The following KIF6 variants were observed in gnomAD, a reference collection of about 807,000 sequenced individuals.
KIF6 encodes the protein kinesin-like protein KIF6.
Under a neutral mutation model 112.7 loss-of-function variants are expected in KIF6, and 106 were observed. That is an observed-to-expected ratio of 0.94 (90% confidence interval 0.80 to 1.11). The LOEUF is 1.11. Ranked by LOEUF, KIF6 falls within the 50% of genes least tolerant of loss-of-function variation. The pLI is 0.00. For missense variants in KIF6, 929 were observed against 964.0 expected, an observed-to-expected ratio of 0.96 and a Z score of 0.48; for synonymous variants, 339 against 339.9, an observed-to-expected ratio of 1.00 and a Z score of 0.03.
At chr6:39,711,313 A>T (rs2113868460) in intron 3 of KIF6, among the ~76,000 whole-genome samples, 1 of 151,712 alleles carries the variant, frequency 6.6e-6, no homozygotes, top group East Asian at 1.9e-4. Context: ...TCTAAAAAGA[A>T]ATAAGAATCA....
chr6:39,403,307 C>T (rs1188586344), intron 15 of KIF6, among the ~76,000 whole-genome samples: 1 of 152,212 alleles, frequency 6.6e-6, no homozygotes, highest in Non-Finnish European at 1.5e-5. Context: ...CACCCCTGGA[C>T]TCCCTCACAA....
intron 13 of KIF6, among the ~76,000 whole-genome samples, chr6:39,465,669 CA>C (rs1773742075): frequency 6.6e-6 from 1 of 152,182 alleles, no homozygotes; most frequent in African/African-American, 2.4e-5. Context: ...AGAGGTTCCC[CA>C]GTGTTTATGG....
At chr6:39,392,638 GACTAAGGAAATAA>G (rs1476320417) in intron 15 of KIF6, among the ~76,000 whole-genome samples, 4 of 152,128 alleles carry the variant, frequency 2.6e-5, no homozygotes, top group Non-Finnish European at 5.9e-5. Context: ...AAAGTACAGA[GACTAAGGAAATAA>G]ACCCTAGATG....
rs202104461 is a variant in KIF6 at position 39,650,567 on chromosome 6, TA to T, written c.252-10811del. Among the ~76,000 whole-genome samples, 1,100 of 151,844 alleles carry T rather than the reference TA, an allele frequency of 7.2e-3. 8 individuals carry two copies. The highest frequency in any genetic ancestry group is 0.012 in the Non-Finnish European group (784 of 67,916). ...ATTTACATAATTTATAATTACATTA[TA>T]AAAAATGCATTTACTGTAGCATTTC... On this transcript the variant is annotated intron_variant, in intron 3 of 22. Coordinates refer to ENST00000287152, the MANE Select transcript of KIF6 (RefSeq NM_145027.6).
chr6:39,447,921 G>A lies in KIF6; in HGVS notation c.1646-16760C>T, dbSNP rs951186813. On this transcript the variant is annotated intron_variant, in intron 13 of 22. Coordinates refer to ENST00000287152, the MANE Select transcript of KIF6 (RefSeq NM_145027.6). Reference sequence around the variant, plus strand: ...CTGTTTTTATTTGAGTTGGCCTCTCGGTAAATGGTACAGCAATAAGGTTAG... The same window carrying A: ...CTGTTTTTATTTGAGTTGGCCTCTCAGTAAATGGTACAGCAATAAGGTTAG... Among the ~76,000 whole-genome samples the A allele has an allele frequency of 5.3e-5, 8 of 152,228 alleles. No individual in the cohort carries two copies. The South Asian group carries it at 1.7e-3, about 32-fold the overall frequency.
chr6:39,361,335 G>A lies in KIF6; in HGVS notation c.1947-805C>T, dbSNP rs369669639. The stretch of plus-strand genomic sequence containing the variant: ...GCACTTTGGGAGGCTGAGGCGGGTG[G>A]ATCACCTGAGGTCAGGAGTTTGAGA... On this transcript the variant is annotated intron_variant, in intron 17 of 22. Coordinates refer to ENST00000287152, the MANE Select transcript of KIF6 (RefSeq NM_145027.6). Among the ~76,000 whole-genome samples the A allele has an allele frequency of 5.9e-5, 9 of 152,092 alleles. No individual in the cohort carries two copies. The East Asian group carries it at 1.5e-3, about 26-fold the overall frequency.
intron 13 of KIF6, among the ~76,000 whole-genome samples, chr6:39,526,171 A>G (rs1404859223): frequency 2.0e-5 from 3 of 152,216 alleles, no homozygotes; most frequent in African/African-American, 7.2e-5. Flanking sequence ...CTTCCTCTAT[A>G]TGTCCATCCC....
intron 15 of KIF6, among the ~76,000 whole-genome samples, chr6:39,396,362 G>T (rs1200933248): frequency 6.6e-6 from 1 of 152,198 alleles, no homozygotes; most frequent in Non-Finnish European, 1.5e-5. Flanking sequence ...TGGCATGGGG[G>T]TGGATACATT....
chr6:39,584,417 TAAAAAAAAAAAAAAAAAAAAAAAAAA>T (rs61215070), intron 9 of KIF6, among the ~76,000 whole-genome samples: 6 of 46,064 alleles, frequency 1.3e-4, no homozygotes, highest in Non-Finnish European at 3.1e-4. Context: ...ACTCTGTCTC[TAAAAAAAAAAAAAAAAAAAAAAAAAA>T]AAAAAAAAAA....
chr6:39,344,162 G>A (rs143648728), intron 21 of KIF6, among the ~76,000 whole-genome samples: 3,717 of 152,234 alleles, frequency 0.024, 164 homozygotes, highest in African/African-American at 0.084. Flanking sequence ...TACTGTTCTC[G>A]TGGTAGTGAA....
rs1338886127 is a variant in KIF6, at chr6:39,332,925, C to T, written c.*3607G>A. On this transcript the variant is annotated 3_prime_UTR_variant, in exon 23 of 23. Coordinates refer to ENST00000287152, the MANE Select transcript of KIF6 (RefSeq NM_145027.6). ...GAAACCACTGGGCTCTACCTGGTTC[C>T]CCCTTCCTGGGCTGCAGCCTGAAAA... 1 of 152,236 alleles carries T rather than the reference C, an allele frequency of 6.6e-6. No individual in the cohort carries two copies. Among genetic ancestry groups the T allele is most frequent in the Non-Finnish European group, 1.5e-5 (1 of 68,056 alleles). 9.4% of individuals were successfully genotyped at this position (152,236 alleles called of 1,614,324 possible).
chr6:39,339,051 G>C (rs1426734025), intron 22 of KIF6, among the ~76,000 whole-genome samples: 2 of 152,106 alleles, frequency 1.3e-5, no homozygotes, highest in African/African-American at 4.8e-5. Context: ...AACACAAAAG[G>C]CACCATTTCA....
intron 10 of KIF6, among the ~76,000 whole-genome samples, chr6:39,570,764 C>A (rs973217830): frequency 6.6e-6 from 1 of 152,090 alleles, no homozygotes; most frequent in Admixed American, 6.5e-5. Context: ...ATCCTGCCAC[C>A]CCATGAAGAA....
At chr6:39,487,026 G>T (rs1775153409) in intron 13 of KIF6, among the ~76,000 whole-genome samples, 1 of 152,070 alleles carries the variant, frequency 6.6e-6, no homozygotes, top group African/African-American at 2.4e-5. Context: ...ACCAAATGTT[G>T]TTAACAGTAA....
At chr6:39,533,687 T>C (rs901995770) in intron 13 of KIF6, among the ~76,000 whole-genome samples, 1 of 152,232 alleles carries the variant, frequency 6.6e-6, no homozygotes, top group East Asian at 1.9e-4. Context: ...TGTCCCTGTC[T>C]GACAGCTTTG....
intron 10 of KIF6, among the ~76,000 whole-genome samples, chr6:39,551,971 T>C (rs1779409014): frequency 1.3e-5 from 2 of 152,360 alleles, no homozygotes; most frequent in South Asian, 4.1e-4. Flanking sequence ...AGGAATCGGC[T>C]ATGAGACTTT....
intron 19 of KIF6, among the ~76,000 whole-genome samples, chr6:39,350,375 C>G (rs962926382): frequency 6.6e-6 from 1 of 152,076 alleles, no homozygotes; most frequent in African/African-American, 2.4e-5. Flanking sequence ...GGGGAGTGCA[C>G]GACTCCGACA....
chr6:39,711,195 A>G (rs1251563410), intron 3 of KIF6, among the ~76,000 whole-genome samples: 1 of 150,368 alleles, frequency 6.7e-6, no homozygotes, highest in Non-Finnish European at 1.5e-5. Flanking sequence ...GAATACATGA[A>G]AAAAAAATCC....
intron 3 of KIF6, among the ~76,000 whole-genome samples, chr6:39,696,448 C>T (rs1283263264): frequency 1.3e-5 from 2 of 152,026 alleles, no homozygotes; most frequent in Non-Finnish European, 2.9e-5. Context: ...GATGGTGCAA[C>T]GGCAAGGGAG....
Sources: gnomAD v4.1 joint callset for allele counts (sites outside exome capture counted in the v4.1 genomes callset) on GRCh38, gnomAD v4.1.1 for gene constraint, MANE v1.5 for transcripts, NCBI Gene and HGNC (gene_info 2026-07-23, HGNC 2026-07-21) for gene names.